The following TMEM63C variants were observed in gnomAD, a reference collection of about 807,000 sequenced individuals.
The protein encoded by TMEM63C is transmembrane protein 63C, also known as osmosensitive cation channel TMEM63C.
In TMEM63C, 32 loss-of-function variants were observed where a neutral mutation model predicts 99.2. The observed-to-expected ratio is 0.32, with a 90% CI of 0.24 to 0.43. The LOEUF (loss-of-function observed/expected upper bound fraction) is 0.43, where lower values mean the gene tolerates loss of function less well. TMEM63C is among the 20% of genes least tolerant of loss of function. The probability of loss-of-function intolerance (pLI) is 1.00; values close to 1 mark genes in which losing one functional copy is unlikely to be tolerated. For missense variants in TMEM63C, 826 were observed against 1,053.0 expected (o/e 0.78, Z 2.98); for synonymous variants, 376 against 397.9 (o/e 0.94, Z 0.66).
At chr14:77,242,315 C>T in intron 13 of TMEM63C, 32 bp from the exon 14 acceptor site, 1 of 1,596,938 alleles carries the variant, frequency 6.3e-7, no homozygotes, top group South Asian at 1.1e-5. Context: ...ACCCCCAGAC[C>T]CACATTTCTT....
chr14:77,186,776 G>GGGGTGTGTGTGTGTGTGTGTGTGTGT (rs1374329494), intron 1 of TMEM63C, among the ~76,000 whole-genome samples: 1 of 138,438 alleles, frequency 7.2e-6, no homozygotes, highest in Non-Finnish European at 1.6e-5. Context: ...GAACCAAAGG[G>GGGGTGTGTGTGTGTGTGTGTGTGTGT]GTGTGTGTGT....
intron 23 of TMEM63C, among the ~76,000 whole-genome samples, 198 bp downstream of exon 23, chr14:77,253,574 G>A (rs2140134290): frequency 6.6e-6 from 1 of 152,344 alleles, no homozygotes; most frequent in East Asian, 1.9e-4. Context: ...GATGAAGAGT[G>A]AGAAAAAGAG....
At chr14:77,251,688 A>G in intron 21 of TMEM63C, 101 bp from the exon 22 acceptor site, 1 of 896,248 alleles carries the variant, frequency 1.1e-6, no homozygotes, top group East Asian at 2.4e-5. Context: ...GGCAAGGTCA[A>G]AGCCCTTGCA....
chr14:77,193,642 C>T (rs927220872), intron 1 of TMEM63C, among the ~76,000 whole-genome samples: 4 of 152,148 alleles, frequency 2.6e-5, no homozygotes, highest in Non-Finnish European at 5.9e-5. Flanking sequence ...TGAGAGCAGC[C>T]TGACCAACAT....
rs1391839669 is a variant in TMEM63C, at chr14:77,225,474, G to T, written c.350+13G>T. 6.2e-7 allele frequency: 1 copy of T among 1,612,684 alleles called. No individual in the cohort carries two copies. Among genetic ancestry groups the T allele is most frequent in the Non-Finnish European group, 8.5e-7 (1 of 1,179,414 alleles). The stretch of plus-strand genomic sequence containing the variant: ...GCATAACAATGAAGTAAGTGCCCGG[G>T]CTCTGTGAGCTTGTGACCGTGTTGC... On this transcript the variant is annotated intron_variant, in intron 6 of 23. Transcript: ENST00000298351.
rs1246065188 is a variant in TMEM63C, at chr14:77,244,354, A to C, written c.1347A>C (p.Pro449=). 1 of 1,613,378 alleles carries C rather than the reference A, an allele frequency of 6.2e-7. No homozygotes were observed. The highest frequency in any genetic ancestry group is 2.2e-5 in the East Asian group (1 of 44,862). ...CCTCCCCTCTCCCCCTGCAGAACCC[A>C]ATTGTGACCCAGTTCTTCCCCTCTG... ...VTRPIEKLQN[P]IVTQFFPSVM... The change falls in exon 16 of 24, where the codon CCA becomes CCC. Residue 449 remains proline, a synonymous_variant. Transcript: ENST00000298351.
At chr14:77,193,116 G>A (rs1888138304) in intron 1 of TMEM63C, among the ~76,000 whole-genome samples, 1 of 152,140 alleles carries the variant, frequency 6.6e-6, no homozygotes, top group Non-Finnish European at 1.5e-5. Context: ...GATGGACACA[G>A]ACAAGTCACA....
rs532913902 is a variant in TMEM63C at position 77,208,205 on chromosome 14, C to T, written c.-76-5241C>T. ...ATTCATACAGGGAATCGCAGGGTCT[C>T]GAAATCACTGGAAGAATTAGAAGCT... On this transcript the variant is annotated intron_variant, in intron 1 of 23. Coordinates refer to ENST00000298351, the MANE Select transcript of TMEM63C (RefSeq NM_020431.4). 8.5e-5 allele frequency among the ~76,000 whole-genome samples: 13 copies of T among 152,294 alleles called. No homozygotes were observed. In the South Asian group the frequency reaches 1.9e-3, roughly 22 times the overall value.
chr14:77,253,477 G>T, intron 23 of TMEM63C, 101 bp downstream of exon 23: 5 of 1,224,516 alleles, frequency 4.1e-6, no homozygotes, highest in Non-Finnish European at 5.8e-6. Flanking sequence ...GCCCACTCTG[G>T]GTATGGGGAA....
rs530531441 is a variant in TMEM63C, at chr14:77,203,801, A to G, written c.-76-9645A>G. 8.5e-5 allele frequency among the ~76,000 whole-genome samples: 13 copies of G among 152,362 alleles called. No homozygotes were observed. In the East Asian group the frequency reaches 2.3e-3, roughly 27 times the overall value. ...TGGCTGCAGAGCTTTGGTTGATCAG[A>G]GCCCACCCTGGCAGCAGCAGGAGGT... On this transcript the variant is annotated intron_variant, in intron 1 of 23. Coordinates refer to ENST00000298351, the MANE Select transcript of TMEM63C (RefSeq NM_020431.4).
intron 1 of TMEM63C, among the ~76,000 whole-genome samples, chr14:77,212,743 T>A (rs1888513248): frequency 6.6e-6 from 1 of 152,064 alleles, no homozygotes; most frequent in Admixed American, 6.5e-5. Flanking sequence ...AGGGTGAGGA[T>A]CTTGTCTCCT....
At chr14:77,254,810 A>AG (rs1246086822) in intron 23 of TMEM63C, among the ~76,000 whole-genome samples, 4 of 152,202 alleles carry the variant, frequency 2.6e-5, no homozygotes, top group African/African-American at 9.6e-5. Flanking sequence ...ACATCATTAT[A>AG]GGGGGAAAGG....
chr14:77,208,258 C>T (rs1368967164), intron 1 of TMEM63C, among the ~76,000 whole-genome samples: 1 of 152,114 alleles, frequency 6.6e-6, no homozygotes, highest in African/African-American at 2.4e-5. Flanking sequence ...CAGAACTGTC[C>T]CTCCAGACAA....
intron 9 of TMEM63C, 117 bp downstream of exon 9, chr14:77,236,849 G>T: frequency 2.8e-6 from 2 of 713,106 alleles, no homozygotes; most frequent in Non-Finnish European, 4.9e-6. Context: ...TGTGATAGAT[G>T]GGAGGGGGCG....
At chr14:77,182,311 A>AG (rs1018908867) in intron 1 of TMEM63C, among the ~76,000 whole-genome samples, 133 of 152,012 alleles carry the variant, frequency 8.7e-4, no homozygotes, top group African/African-American at 3.1e-3. Flanking sequence ...CTGGGACGGG[A>AG]GGGGGCAGTC....
In TMEM63C at chr14:77,183,068, G is replaced by T. The variant is rs1479225689; in HGVS notation, c.-77+1174G>T. Among the ~76,000 whole-genome samples the T allele has an allele frequency of 2.6e-5, 4 of 152,282 alleles. No homozygotes were observed. The South Asian group carries it at 8.3e-4, about 32-fold the overall frequency. ...TTAGAAGTGAACTTTCCCCTTAGAA[G>T]TGAATTCACCTTGTTCTTCTCCCTG... is the stretch of plus-strand genomic sequence containing the variant. On this transcript the variant is annotated intron_variant, in intron 1 of 23. Transcript: ENST00000298351.
chr14:77,241,140 G>A (rs1024190195), intron 13 of TMEM63C, among the ~76,000 whole-genome samples: 3 of 151,614 alleles, frequency 2.0e-5, no homozygotes, highest in Non-Finnish European at 4.4e-5. Flanking sequence ...TAGTAGAGAC[G>A]GGGTTTCACC....
At chr14:77,223,103 A>C (rs1888754947) in intron 5 of TMEM63C, among the ~76,000 whole-genome samples, 1 of 152,210 alleles carries the variant, frequency 6.6e-6, no homozygotes, top group African/African-American at 2.4e-5. Context: ...AGCCTCAGAC[A>C]AGTGACTTCA....
chr14:77,247,779 T>A (rs57056773), intron 18 of TMEM63C, among the ~76,000 whole-genome samples: 4,022 of 151,162 alleles, frequency 0.027, 173 homozygotes, highest in African/African-American at 0.092. Context: ...CTTCAAGGTA[T>A]TTTTTAGTAG....
Sources: allele counts gnomAD v4.1 joint callset (sites outside exome capture counted in the v4.1 genomes callset), GRCh38; gene constraint gnomAD v4.1.1; transcripts MANE v1.5; gene names NCBI Gene and HGNC (gene_info 2026-07-23, HGNC 2026-07-21).